Variants in WWP1 observed in about 807,000 individuals in gnomAD.
WWP1 encodes the protein WW domain containing E3 ubiquitin protein ligase 1.
WWP1 carries 49 observed loss-of-function variants against 130.6 expected under a neutral mutation model. The ratio of observed to expected loss-of-function variants is 0.38; its 90% CI spans 0.30 to 0.48. The LOEUF (loss-of-function observed/expected upper bound fraction) is 0.48. WWP1 is among the 20% of genes least tolerant of loss of function. The pLI, the probability that WWP1 is intolerant of heterozygous loss-of-function variation, is 0.99. For missense variants in WWP1, 809 were observed against 1,100.6 expected (o/e 0.74, Z 3.75); for synonymous variants, 332 against 367.8 (o/e 0.90, Z 1.11).
intron 1 of WWP1, among the ~76,000 whole-genome samples, chr8:86,348,313 G>A (rs1822708459): frequency 6.6e-6 from 1 of 152,022 alleles, no homozygotes; most frequent in Non-Finnish European, 1.5e-5. Context: ...CCGCCTCCTG[G>A]GTTCAAGAGA....
At chr8:86,398,529 A>G (rs1308955418) in intron 6 of WWP1, 43 bp from the exon 7 acceptor site, 8 of 1,611,384 alleles carry the variant, frequency 5.0e-6, no homozygotes, top group African/African-American at 4.0e-5. Context: ...AGAATAAGCA[A>G]GAAGTATATA....
At chr8:86,358,099 A>G (rs1366860156) in intron 1 of WWP1, among the ~76,000 whole-genome samples, 2 of 152,172 alleles carry the variant, frequency 1.3e-5, no homozygotes, top group African/African-American at 4.8e-5. Flanking sequence ...AAGTGTAATA[A>G]GCTTCTCTCT....
At position 86,467,778 on chromosome 8, in the gene WWP1, C is replaced by G. The variant is rs1351155306; in HGVS notation, c.*885C>G. ...ATACAAAAGGTAATGTAAACTCTGC[C>G]ACTTTTTTGTGTTCAAAATTTTGGT... On this transcript the variant is annotated 3_prime_UTR_variant, in exon 25 of 25. Transcript: ENST00000517970. The G allele has an allele frequency of 2.6e-5, 4 of 152,050 alleles. No homozygotes were observed. The highest frequency in any genetic ancestry group is 5.9e-5 in the Non-Finnish European group (4 of 67,990). 9.4% of individuals were successfully genotyped at this position (152,050 alleles called of 1,614,324 possible). A position where few individuals can be genotyped will look rare whatever the true frequency, so the allele number is the denominator to read the frequency against.
At chr8:86,412,072 A>T (rs1169232208) in intron 9 of WWP1, among the ~76,000 whole-genome samples, 198 bp downstream of exon 9, 1 of 152,222 alleles carries the variant, frequency 6.6e-6, no homozygotes, top group South Asian at 2.1e-4. Flanking sequence ...TGGTTGACAT[A>T]TATGTAGTAC....
At chr8:86,356,530 A>C (rs1207386875) in intron 1 of WWP1, among the ~76,000 whole-genome samples, 2 of 151,822 alleles carry the variant, frequency 1.3e-5, no homozygotes, top group Non-Finnish European at 2.9e-5. Flanking sequence ...AATTATAGCA[A>C]ATTAAAAGAA....
At chr8:86,439,251 G>A (rs1404912173) in intron 17 of WWP1, among the ~76,000 whole-genome samples, 1 of 151,858 alleles carries the variant, frequency 6.6e-6, no homozygotes, top group Non-Finnish European at 1.5e-5. Flanking sequence ...GGTAAGGCAG[G>A]AGAATGGTGT....
chr8:86,360,006 G>A (rs1278130933), intron 1 of WWP1, among the ~76,000 whole-genome samples: 14 of 151,500 alleles, frequency 9.2e-5, no homozygotes, highest in Non-Finnish European at 1.9e-4. Context: ...CTGAGATTGC[G>A]CCACTGCACT....
chr8:86,442,733 A>G lies in WWP1; in HGVS notation c.1953A>G (p.Pro651=). The stretch of plus-strand genomic sequence containing the variant: ...TAAATCCAGCATCAACCATTAATCC[A>G]GACCATCTTTCATACTTCTGTTTCA... ...LQINPASTIN[P]DHLSYFCFIG... is the part of the protein sequence containing the mutation. The change falls in exon 18 of 25, where the codon CCA becomes CCG. Residue 651 remains proline (P), a synonymous_variant. Transcript: ENST00000517970. 6.2e-7 allele frequency: 1 copy of G among 1,611,828 alleles called. No homozygotes were observed. The highest frequency in any genetic ancestry group is 8.5e-7 in the Non-Finnish European group (1 of 1,179,172).
At chr8:86,435,589 A>G (rs375206439) in intron 15 of WWP1, 44 bp from the exon 16 acceptor site, 4 of 1,611,840 alleles carry the variant, frequency 2.5e-6, no homozygotes, top group Non-Finnish European at 3.4e-6. Context: ...TACAATACAT[A>G]TACTATAACT....
intron 15 of WWP1, 47 bp downstream of exon 15, chr8:86,435,574 C>T: frequency 1.2e-6 from 2 of 1,612,414 alleles, no homozygotes; most frequent in Non-Finnish European, 1.7e-6. Context: ...TTAGTCTTCT[C>T]TTTATACAAT....
chr8:86,361,134 G>A (rs1433035543), intron 1 of WWP1, among the ~76,000 whole-genome samples: 1 of 152,190 alleles, frequency 6.6e-6, no homozygotes, highest in Non-Finnish European at 1.5e-5. Context: ...ACTGTGCTGG[G>A]TAGAGGATGG....
intron 23 of WWP1, 190 bp from the exon 24 acceptor site, chr8:86,461,584 C>T (rs978589132): frequency 1.6e-6 from 1 of 636,282 alleles, no homozygotes; most frequent in Non-Finnish European, 2.8e-6. Flanking sequence ...GAGTTTTCTT[C>T]CCAATGATCT....
At position 86,342,727 on chromosome 8, in the gene WWP1, GGTCGGGT is replaced by G. The variant is rs1822265824; in HGVS notation, c.-312_-306del. The G allele has an allele frequency of 6.4e-6, 2 of 311,186 alleles. No homozygotes were observed. The highest frequency in any genetic ancestry group is 1.2e-5 in the Non-Finnish European group (2 of 173,586). The allele number at this position is 311,186 out of a possible 1,614,324, so 19.3% of individuals were successfully genotyped here. A position where few individuals can be genotyped will look rare whatever the true frequency, so the allele number is the denominator to read the frequency against. Reference sequence around the variant, plus strand: ...GTGGACGGGGTGGGGGTGGGGGGAGGGTCGGGTGTCGGCGAGCTCCGCGTGCGGGTTC... The same window carrying G: ...GTGGACGGGGTGGGGGTGGGGGGAGGGTCGGCGAGCTCCGCGTGCGGGTTC... On this transcript the variant is annotated 5_prime_UTR_variant, in exon 1 of 25. Transcript: ENST00000517970.
chr8:86,428,346 T>C (rs1809746216), intron 11 of WWP1, among the ~76,000 whole-genome samples: 1 of 152,174 alleles, frequency 6.6e-6, no homozygotes, highest in African/African-American at 2.4e-5. Context: ...GATTTACTTA[T>C]TGCCATAAGC....
intron 20 of WWP1, among the ~76,000 whole-genome samples, chr8:86,451,075 T>A (rs1396411754): frequency 6.7e-5 from 10 of 150,338 alleles, no homozygotes; most frequent in Admixed American, 2.0e-4. Context: ...ATAAATAAAA[T>A]TTTTTTAAAA....
At chr8:86,417,492 T>A (rs888026878) in intron 9 of WWP1, among the ~76,000 whole-genome samples, 12 of 152,178 alleles carry the variant, frequency 7.9e-5, no homozygotes, top group African/African-American at 1.2e-4. Context: ...AAATTTAGTT[T>A]GAGAAAGACA....
At chr8:86,433,714 C>T (rs1362841357) in intron 14 of WWP1, among the ~76,000 whole-genome samples, 2 of 152,116 alleles carry the variant, frequency 1.3e-5, no homozygotes, top group African/African-American at 2.4e-5. Context: ...GAGGCCGAGG[C>T]GGGCAGATCA....
At chr8:86,371,512 A>G (rs898181523) in intron 2 of WWP1, among the ~76,000 whole-genome samples, 10 of 152,224 alleles carry the variant, frequency 6.6e-5, no homozygotes, top group Non-Finnish European at 1.2e-4. Context: ...GGCACTATCA[A>G]CATTCCTAGT....
intron 7 of WWP1, among the ~76,000 whole-genome samples, chr8:86,401,093 G>T (rs943934344): frequency 2.7e-5 from 4 of 150,416 alleles, no homozygotes; most frequent in Admixed American, 1.3e-4. Flanking sequence ...GTTTGATTTT[G>T]TTGTTAGTTA....
Sources: allele counts gnomAD v4.1 joint callset (sites outside exome capture counted in the v4.1 genomes callset), GRCh38; gene constraint gnomAD v4.1.1; transcripts MANE v1.5; gene names NCBI Gene and HGNC (gene_info 2026-07-23, HGNC 2026-07-21).